DDX5: variants seen among roughly 807,000 people sequenced by gnomAD.
DDX5 encodes the protein probable ATP-dependent RNA helicase DDX5.
DDX5 carries 6 observed loss-of-function variants against 68.6 expected under a neutral mutation model. The observed-to-expected ratio is 0.09, with a 90% CI of 0.05 to 0.17. DDX5 has a LOEUF of 0.17. Among genes scored for constraint, DDX5 ranks in the 10% least tolerant of loss-of-function variants. The pLI, the probability that DDX5 is intolerant of heterozygous loss-of-function variation, is 1.00. For missense variants in DDX5, 499 were observed against 756.1 expected (o/e 0.66, Z 3.99); for synonymous variants, 350 against 247.0 (o/e 1.42, Z -3.91).
At position 64,504,271 on chromosome 17, in the gene DDX5, A is replaced by G. The variant is rs201142697; in HGVS notation, c.258T>C (p.Gly86=). ...YRRSKEITVR[G]HNCPKPVLNF... Reference sequence around the variant, plus strand: ...TTAGAACTGGCTTCGGGCAGTTGTGACCTCTAACTGTAATTTCCTTGCTTC... The same window carrying G: ...TTAGAACTGGCTTCGGGCAGTTGTGGCCTCTAACTGTAATTTCCTTGCTTC... Residue 86 remains glycine, a synonymous_variant, in exon 3 of 13, where the codon GGT becomes GGC. Transcript: ENST00000225792. The G allele has an allele frequency of 8.4e-5, 135 of 1,613,982 alleles. No individual in the cohort carries two copies. Among genetic ancestry groups the G allele is most frequent in the Non-Finnish European group, 1.1e-4 (133 of 1,180,030 alleles).
At chr17:64,504,343 T>C in intron 2 of DDX5, 25 bp from the exon 3 acceptor site, 2 of 1,591,762 alleles carry the variant, frequency 1.3e-6, no homozygotes, top group Non-Finnish European at 1.7e-6. Flanking sequence ...ATAACAGTCT[T>C]AAAATTCATG....
rs548140640 is a variant in DDX5 at position 64,498,382 on chromosome 17, T to C, written c.*1541A>G. On this transcript the variant is annotated 3_prime_UTR_variant, in exon 13 of 13. Transcript: ENST00000225792. ...AATGTTTTCCACAGCCCAACAATCA[T>C]TTCAGTGTTTACAAATTAAAAGGCC... Among the ~76,000 whole-genome samples the C allele has an allele frequency of 5.9e-5, 9 of 152,190 alleles. No homozygotes were observed. Among genetic ancestry groups the C allele is most frequent in the Non-Finnish European group, 1.3e-4 (9 of 68,024 alleles).
rs1555670948 is a variant in DDX5 at position 64,500,754 on chromosome 17, A to G, written c.1236T>C (p.Phe412=). The G allele has an allele frequency of 3.1e-6, 5 of 1,613,914 alleles. No individual in the cohort carries two copies. The African/African-American group carries it at 5.3e-5, about 17-fold the overall frequency. The change falls in exon 12 of 13, where the codon TTT becomes TTC. Residue 412 remains phenylalanine (F), a synonymous_variant. Transcript: ENST00000225792. The part of the protein sequence containing the change: ...SRGLDVEDVK[F]VINYDYPNSS... ...AGTTAGGGTAGTCATAATTGATGACAAATTTCACATCTTCCACATCTGTAA... is the reference window on the plus strand; with the variant it reads ...AGTTAGGGTAGTCATAATTGATGACGAATTTCACATCTTCCACATCTGTAA...
chr17:64,502,382 T>C (rs1555671265), intron 9 of DDX5, 57 bp downstream of exon 9: 2 of 1,466,548 alleles, frequency 1.4e-6, no homozygotes, highest in East Asian at 4.5e-5. Flanking sequence ...TGATCCAAGT[T>C]TGCCCTTTCC....
intron 1 of DDX5, chr17:64,505,682 A>C: frequency 1.3e-6 from 2 of 1,487,458 alleles, no homozygotes; most frequent in Non-Finnish European, 1.8e-6. Flanking sequence ...AGGGCTTTGG[A>C]AGTGGTCCCC....
chr17:64,499,357 A>G lies in DDX5; in HGVS notation c.*566T>C, dbSNP rs1232195149. 6.6e-6 allele frequency among the ~76,000 whole-genome samples: 1 copy of G among 152,172 alleles called. No homozygotes were observed. The highest frequency in any genetic ancestry group is 1.5e-5 in the Non-Finnish European group (1 of 68,016). ...AAAAGGCTATTAAATGACTCCCCTG[A>G]TGCTGGAAGCTGACAAAGCTTTTAT... is the stretch of plus-strand genomic sequence containing the variant. On this transcript the variant is annotated 3_prime_UTR_variant, in exon 13 of 13. Coordinates refer to ENST00000225792, the MANE Select transcript of DDX5 (RefSeq NM_004396.5).
At chr17:64,502,819 G>A in intron 8 of DDX5, 107 bp downstream of exon 8, 3 of 1,166,182 alleles carry the variant, frequency 2.6e-6, no homozygotes, top group East Asian at 5.0e-5. Flanking sequence ...CTAACTAAAT[G>A]AAATCACACC....
In DDX5 at chr17:64,506,225, G is replaced by A. The variant is rs2038513097; in HGVS notation, c.-106C>T. The A allele has an allele frequency of 3.2e-6, 5 of 1,555,752 alleles. No homozygotes were observed. The highest frequency in any genetic ancestry group is 1.7e-4 in the Middle Eastern group (1 of 6,008). On this transcript the variant is annotated 5_prime_UTR_variant, in exon 1 of 13. Transcript: ENST00000225792. ...GCGAAGCCTTGCGGGGGCGGCAGCG[G>A]AGGAAGGACACCGATGACACCAGCC...
intron 5 of DDX5, 109 bp downstream of exon 5, chr17:64,503,694 G>A: frequency 6.5e-7 from 1 of 1,526,910 alleles, no homozygotes; most frequent in Non-Finnish European, 8.9e-7. Context: ...CAGCTGAATA[G>A]GGTGAGCTAA....
At position 64,504,791 on chromosome 17, in the gene DDX5, C is replaced by G; in HGVS notation, c.96G>C (p.Lys32Asn). The G allele has an allele frequency of 6.2e-7, 1 of 1,614,094 alleles. No homozygotes were observed. The highest frequency in any genetic ancestry group is 8.5e-7 in the Non-Finnish European group (1 of 1,179,982). ...ATTTCTCCCCAGGGTTTCCAAACTT[C>G]TTTCCAGATAAGGGCCCTGCCCTAC... Reference protein sequence around the residue: ...GGSRAGPLSGKKFGNPGEKLV... With the variant: ...GGSRAGPLSGNKFGNPGEKLV... The change falls in exon 2 of 13, where the codon AAG becomes AAC. Residue 32 changes from lysine (K) to asparagine (N), a missense_variant. Physicochemically the swap from Lys to Asn is moderately conservative, Grantham distance 94. This residue lies in a region of DDX5 where 140 missense variants were observed against 135.7 expected (regional missense o/e 1.03). Coordinates refer to ENST00000225792, the MANE Select transcript of DDX5 (RefSeq NM_004396.5).
chr17:64,504,703 G>A lies in DDX5; in HGVS notation c.184C>T (p.His62Tyr). The A allele has an allele frequency of 1.2e-6, 2 of 1,613,686 alleles. No homozygotes were observed. Among genetic ancestry groups the A allele is most frequent in the South Asian group, 1.1e-5 (1 of 90,982 alleles). The change falls in exon 2 of 13, where the codon CAC (histidine) becomes TAC (tyrosine). Residue 62 changes from histidine (H) to tyrosine (Y), a missense_variant. This residue lies in a region of DDX5 where 140 missense variants were observed against 135.7 expected (regional missense o/e 1.03). Transcript: ENST00000225792. ...GCTGTGCGCCTAGCCAAATCAGGGTGCTCTTGATAAAAATTCTTCTCAAAT... is the reference window on the plus strand; with the variant it reads ...GCTGTGCGCCTAGCCAAATCAGGGTACTCTTGATAAAAATTCTTCTCAAAT... ...PKFEKNFYQE[H>Y]PDLARRTAQE...
chr17:64,500,570 A>G lies in DDX5; in HGVS notation c.1420T>C (p.Leu474=). Residue 474 remains leucine (L), a synonymous_variant, in exon 12 of 13, where the codon TTG becomes CTG. Transcript: ENST00000225792. The part of the protein sequence containing the change: ...NQAINPKLLQ[L]VEDRGSGRSR... ...TTACCTGAACCTCTGTCTTCGACCA[A>G]CTGAAGCAACTTGGGATTAATTGCT... The G allele has an allele frequency of 6.2e-7, 1 of 1,614,018 alleles. No individual in the cohort carries two copies. The highest frequency in any genetic ancestry group is 1.1e-5 in the South Asian group (1 of 91,020).
At chr17:64,505,122 GA>G (rs1186713206) in intron 1 of DDX5, 47 of 340,604 alleles carry the variant, frequency 1.4e-4, no homozygotes, top group Non-Finnish European at 8.5e-5. Flanking sequence ...CCACATGCCA[GA>G]ATTTGGGATT....
At chr17:64,502,720 CA>C in intron 8 of DDX5, 171 bp from the exon 9 acceptor site, 1 of 712,776 alleles carries the variant, frequency 1.4e-6, no homozygotes, top group East Asian at 2.7e-5. Context: ...TTAAGTCAAC[CA>C]GGGGACACAT....
At position 64,504,055 on chromosome 17, in the gene DDX5, C is replaced by T; in HGVS notation, c.369G>A (p.Gln123=). The change falls in exon 4 of 13, where the codon CAG becomes CAA. Residue 123 remains glutamine (Q), a synonymous_variant. Coordinates refer to ENST00000225792, the MANE Select transcript of DDX5 (RefSeq NM_004396.5). ...NFTEPTAIQA[Q]GWPVALSGLD... The stretch of plus-strand genomic sequence containing the variant: ...ATCCACTTAGAGCAACTGGCCATCC[C>T]TGAGCTTGAATAGCAGTGGGTTCAG... 6.2e-7 allele frequency: 1 copy of T among 1,614,198 alleles called. No homozygotes were observed. Among genetic ancestry groups the T allele is most frequent in the Admixed American group, 1.7e-5 (1 of 60,032 alleles).
intron 8 of DDX5, 133 bp downstream of exon 8, chr17:64,502,782 ATTCAAGAAATT>A: frequency 5.8e-6 from 5 of 858,824 alleles, no homozygotes; most frequent in Non-Finnish European, 8.7e-6. Context: ...TATTTGAAGG[ATTCAAGAAATT>A]TTCAGGATTA....
At position 64,504,684 on chromosome 17, in the gene DDX5, C is replaced by T. The variant is rs1555671783; in HGVS notation, c.203G>A (p.Arg68His). ...FYQEHPDLAR[R>H]TAQEVETYRR... ...CCACATGAATTTACTCACTGCTGTG[C>T]GCCTAGCCAAATCAGGGTGCTCTTG... The change falls in exon 2 of 13, where the codon CGC becomes CAC. Residue 68 changes from arginine to histidine, a missense_variant. Arg to His is a conservative substitution (Grantham distance 29). Coordinates refer to ENST00000225792, the MANE Select transcript of DDX5 (RefSeq NM_004396.5). 1 of 1,612,102 alleles carries T rather than the reference C, an allele frequency of 6.2e-7. No homozygotes were observed. The highest frequency in any genetic ancestry group is 2.2e-5 in the East Asian group (1 of 44,876).
intron 2 of DDX5, 103 bp from the exon 3 acceptor site, chr17:64,504,421 G>A (rs868965352): frequency 1.8e-6 from 2 of 1,100,178 alleles, no homozygotes; most frequent in Middle Eastern, 2.0e-4. Context: ...CTAGTTTAAA[G>A]TAGCCTTCAT....
In DDX5 at chr17:64,499,744, A is replaced by C; in HGVS notation, c.*179T>G. 1 of 528,114 alleles carries C rather than the reference A, an allele frequency of 1.9e-6. No homozygotes were observed. The highest frequency in any genetic ancestry group is 3.1e-6 in the Non-Finnish European group (1 of 323,342). 32.7% of individuals were successfully genotyped at this position (528,114 alleles called of 1,614,324 possible). ...TTTTCTAGTACAAAAAAAACCTAAA[A>C]ATTGTTTCAGGAATGTAGAGAAATA... On this transcript the variant is annotated 3_prime_UTR_variant, in exon 13 of 13. Coordinates refer to ENST00000225792, the MANE Select transcript of DDX5 (RefSeq NM_004396.5).
Sources: gnomAD v4.1 joint callset for allele counts (sites outside exome capture counted in the v4.1 genomes callset) on GRCh38, gnomAD v4.1.1 for gene constraint, gnomAD v4.1.1 regional missense constraint, MANE v1.5 for transcripts, NCBI Gene and HGNC (gene_info 2026-07-23, HGNC 2026-07-21) for gene names.